CSMD1: variants seen among roughly 807,000 people sequenced by gnomAD.
CSMD1 encodes the protein CUB and sushi domain-containing protein 1.
Under a neutral mutation model 417.5 loss-of-function variants are expected in CSMD1, and 213 were observed. The ratio of observed to expected loss-of-function variants is 0.51; its 90% confidence interval spans 0.46 to 0.57. The LOEUF (loss-of-function observed/expected upper bound fraction) is 0.57. Among genes scored for constraint, CSMD1 ranks in the 20% least tolerant of loss-of-function variants. The pLI is 0.00. For synonymous variants in CSMD1, 2,862 were observed against 1,736.8 expected (o/e 1.65, Z -16.11); for missense variants, 6,923 against 4,529.7 (o/e 1.53, Z -15.17).
intron 7 of CSMD1, among the ~76,000 whole-genome samples, chr8:3,637,326 C>T (rs1322974756): frequency 6.6e-6 from 1 of 152,016 alleles, no homozygotes; most frequent in Non-Finnish European, 1.5e-5. Context: ...GTCTAAGATC[C>T]TTTATCTGTA....
At chr8:3,107,829 T>TAA in intron 44 of CSMD1, 31 bp from the exon 45 acceptor site, 1 of 1,382,268 alleles carries the variant, frequency 7.2e-7, no homozygotes, top group Non-Finnish European at 1.0e-6. Flanking sequence ...ATAATAATAA[T>TAA]TGCAATTACA....
chr8:4,675,638 G>C (rs1444574332), intron 1 of CSMD1, among the ~76,000 whole-genome samples: 3 of 152,160 alleles, frequency 2.0e-5, no homozygotes, highest in East Asian at 3.9e-4. Context: ...AAAAAAGTAA[G>C]CAGGATATCT....
intron 5 of CSMD1, among the ~76,000 whole-genome samples, chr8:3,983,979 C>A (rs1814110924): frequency 6.6e-6 from 1 of 152,190 alleles, no homozygotes; most frequent in Non-Finnish European, 1.5e-5. Flanking sequence ...CTGTCAATTG[C>A]AGCTCTAGAG....
At chr8:4,497,309 G>C (rs1281096951) in intron 2 of CSMD1, among the ~76,000 whole-genome samples, 1 of 152,152 alleles carries the variant, frequency 6.6e-6, no homozygotes, top group African/African-American at 2.4e-5. Context: ...ATTTTGAAAC[G>C]ATTATCTCTC....
In CSMD1 at chr8:4,267,228, A is replaced by G. The variant is rs563322628; in HGVS notation, c.415+152725T>C. 2.0e-4 allele frequency among the ~76,000 whole-genome samples: 21 copies of G among 104,692 alleles called. 5 individuals are homozygous for G. Among genetic ancestry groups the G allele is most frequent in the African/African-American group, 4.9e-4 (19 of 38,716 alleles). The allele number at this position is 104,692 out of a possible 152,430, so 68.7% of individuals were successfully genotyped here. ...AGAATCCATTAACAACAGTTATTAA[A>G]GAAAAGTGAGTTCAATGAAGTTGCT... On this transcript the variant is annotated intron_variant, in intron 3 of 69. Transcript: ENST00000635120.
chr8:3,889,970 C>T (rs192968167), intron 5 of CSMD1, among the ~76,000 whole-genome samples: 1 of 152,152 alleles, frequency 6.6e-6, no homozygotes, highest in Non-Finnish European at 1.5e-5. Flanking sequence ...ATTGCTTGAA[C>T]CCAGGAGCTC....
rs118091260 is a variant in CSMD1 at position 4,048,438 on chromosome 8, T to G, written c.416-16339A>C. Among the ~76,000 whole-genome samples the G allele has an allele frequency of 6.1e-4, 93 of 152,338 alleles. 4 individuals carry two copies. In the East Asian group the frequency reaches 0.014, roughly 24 times the overall value. ...TTCAATTTATGAACATGAACTCTCC[T>G]ATTTTCCCAACAAGATTCTGCAGTA... is the stretch of plus-strand genomic sequence containing the variant. On this transcript the variant is annotated intron_variant, in intron 3 of 69. Transcript: ENST00000635120.
intron 5 of CSMD1, among the ~76,000 whole-genome samples, chr8:3,836,379 G>T (rs963486896): frequency 5.3e-5 from 8 of 152,066 alleles, no homozygotes; most frequent in Non-Finnish European, 4.4e-5. Context: ...AATCCCAAGG[G>T]TCTAAATACA....
chr8:3,856,207 A>T (rs1262885875), intron 5 of CSMD1, among the ~76,000 whole-genome samples: 1 of 151,868 alleles, frequency 6.6e-6, no homozygotes, highest in African/African-American at 2.4e-5. Flanking sequence ...CTCATGATAG[A>T]GTTCTCATAA....
rs376986248 is a variant in CSMD1 at position 3,865,986 on chromosome 8, CCAT to C, written c.819-111947_819-111945del. 1.5e-4 allele frequency among the ~76,000 whole-genome samples: 23 copies of C among 152,252 alleles called. 1 individual carries two copies. In the East Asian group the frequency reaches 2.7e-3, roughly 18 times the overall value. On this transcript the variant is annotated intron_variant, in intron 5 of 69. Coordinates refer to ENST00000635120, the MANE Select transcript of CSMD1 (RefSeq NM_033225.6). ...ATAATGAAAAGTGAAAGGAATTTCA[CCAT>C]CATCTGTAGTCATGTTAGTGAGATA...
chr8:3,303,663 A>G (rs540269454), intron 25 of CSMD1, among the ~76,000 whole-genome samples: 1 of 152,350 alleles, frequency 6.6e-6, no homozygotes, highest in South Asian at 2.1e-4. Context: ...ACATATGGTT[A>G]TGTAAAACAT....
chr8:3,007,615 T>C (rs1412594594), intron 52 of CSMD1, among the ~76,000 whole-genome samples: 1 of 151,418 alleles, frequency 6.6e-6, no homozygotes, highest in East Asian at 1.9e-4. Flanking sequence ...GTTCGTGTCC[T>C]TCGTAGGGAC....
At chr8:4,468,208 G>C (rs1585127062) in intron 2 of CSMD1, among the ~76,000 whole-genome samples, 1 of 152,182 alleles carries the variant, frequency 6.6e-6, no homozygotes, top group Non-Finnish European at 1.5e-5. Context: ...GAAAGCAGCA[G>C]TGCCTGGGGC....
At chr8:3,078,257 T>C (rs17079298) in intron 49 of CSMD1, among the ~76,000 whole-genome samples, 52,248 of 152,068 alleles carry the variant, frequency 0.34, 9,124 homozygotes, top group East Asian at 0.42. Context: ...ATTACCCTTT[T>C]TGAACACTTC....
chr8:3,703,374 G>C (rs1215146166), intron 7 of CSMD1, among the ~76,000 whole-genome samples: 1 of 150,984 alleles, frequency 6.6e-6, no homozygotes. Context: ...ATCAGATTAG[G>C]AGGCATAAAT....
chr8:3,354,055 C>A (rs573524163), intron 21 of CSMD1, among the ~76,000 whole-genome samples: 35 of 152,200 alleles, frequency 2.3e-4, no homozygotes, highest in African/African-American at 8.4e-4. Context: ...ATAGCATTAA[C>A]CAAAATGTCT....
At chr8:4,049,693 A>T in intron 3 of CSMD1, among the ~76,000 whole-genome samples, 1 of 152,186 alleles carries the variant, frequency 6.6e-6, no homozygotes, top group East Asian at 1.9e-4. Context: ...ATGAATTCTT[A>T]ATAAATTTTC....
chr8:4,155,739 G>A (rs1231011630), intron 3 of CSMD1, among the ~76,000 whole-genome samples: 2 of 152,088 alleles, frequency 1.3e-5, no homozygotes, highest in African/African-American at 2.4e-5. Flanking sequence ...ATTCCTCCGT[G>A]TCAGCTTTTG....
intron 69 of CSMD1, among the ~76,000 whole-genome samples, chr8:2,939,337 A>G (rs1010516649): frequency 3.3e-5 from 5 of 152,252 alleles, no homozygotes; most frequent in African/African-American, 9.6e-5. Flanking sequence ...CACTGTCGTT[A>G]CTAATATTCA....
Sources: gnomAD v4.1 joint callset for allele counts (sites outside exome capture counted in the v4.1 genomes callset) on GRCh38, gnomAD v4.1.1 for gene constraint, MANE v1.5 for transcripts, NCBI Gene and HGNC (gene_info 2026-07-23, HGNC 2026-07-21) for gene names.